The following IL1RAPL2 variants were observed in gnomAD, a reference collection of about 807,000 sequenced individuals.
The protein encoded by IL1RAPL2 is X-linked interleukin-1 receptor accessory protein-like 2.
A neutral mutation model predicts 44.1 loss-of-function variants in IL1RAPL2; 3 were observed. The observed-to-expected ratio is 0.07, with a 90% CI of 0.03 to 0.18. IL1RAPL2 has a LOEUF of 0.18. IL1RAPL2 is among the 10% of genes least tolerant of loss of function. The pLI is 1.00. For synonymous variants in IL1RAPL2, 181 were observed against 178.8 expected (o/e 1.01, Z -0.10); for missense variants, 391 against 496.4 (o/e 0.79, Z 2.02).
At chrX:105,670,107 A>ATG (rs2037806031) in intron 6 of IL1RAPL2, among the ~76,000 whole-genome samples, 1 of 14,885 alleles carries the variant, frequency 6.7e-5, no homozygotes, top group African/African-American at 3.1e-4. Context: ...GGTTTCCTGT[A>ATG]TATATATATA....
chrX:105,190,340 T>G (rs782207570), intron 2 of IL1RAPL2, among the ~76,000 whole-genome samples: 2 of 112,452 alleles, frequency 1.8e-5, no homozygotes, highest in Non-Finnish European at 3.8e-5. Context: ...GCTGTGATTC[T>G]TCTCAAGCAA....
chrX:105,572,768 G>C (rs367940469), intron 6 of IL1RAPL2, among the ~76,000 whole-genome samples: 3 of 111,946 alleles, frequency 2.7e-5, no homozygotes, highest in East Asian at 5.6e-4. Flanking sequence ...AGTTCTGTTT[G>C]TATGACCTGC....
rs187933360 is a variant in IL1RAPL2, at chrX:104,786,453, A to G, written c.82+127458A>G. Among the ~76,000 whole-genome samples the G allele has an allele frequency of 1.8e-3, 202 of 111,989 alleles. 2 individuals carry two copies. Among genetic ancestry groups the G allele is most frequent in the Non-Finnish European group, 3.2e-3 (169 of 53,252 alleles). On this transcript the variant is annotated intron_variant, in intron 2 of 10. Transcript: ENST00000372582. ...AATATTGTGCATGTATTATATGTACATATATTATCTCATTGAATTCCTGTA... is the reference window on the plus strand; with the variant it reads ...AATATTGTGCATGTATTATATGTACGTATATTATCTCATTGAATTCCTGTA...
intron 5 of IL1RAPL2, among the ~76,000 whole-genome samples, chrX:105,313,260 A>G (rs2034812382): frequency 8.9e-6 from 1 of 111,939 alleles, no homozygotes; most frequent in African/African-American, 3.2e-5. Context: ...TCTTGCTTAG[A>G]ATTTGTAAAA....
intron 7 of IL1RAPL2, among the ~76,000 whole-genome samples, chrX:105,718,026 C>A (rs1414392018): frequency 8.9e-6 from 1 of 112,276 alleles, no homozygotes; most frequent in African/African-American, 3.2e-5. Context: ...TCCTGTTACA[C>A]AAATAATTCT....
At chrX:104,705,256 C>T (rs1931345713) in intron 2 of IL1RAPL2, among the ~76,000 whole-genome samples, 1 of 111,563 alleles carries the variant, frequency 9.0e-6, no homozygotes, top group Admixed American at 9.6e-5. Context: ...CAAGCTCATA[C>T]AGCTAGTTAG....
intron 8 of IL1RAPL2, among the ~76,000 whole-genome samples, chrX:105,746,182 A>G (rs1471510534): frequency 2.7e-5 from 3 of 111,731 alleles, no homozygotes; most frequent in Admixed American, 9.5e-5. Flanking sequence ...GTCCCATTCT[A>G]TAATGTCTGA....
chrX:105,181,090 T>G (rs2033526618), intron 2 of IL1RAPL2, among the ~76,000 whole-genome samples: 1 of 112,021 alleles, frequency 8.9e-6, no homozygotes, highest in Admixed American at 9.5e-5. Context: ...ACTTTATGTA[T>G]TTCCTCTAGG....
intron 5 of IL1RAPL2, among the ~76,000 whole-genome samples, chrX:105,272,874 T>C (rs1335110481): frequency 8.9e-6 from 1 of 112,258 alleles, no homozygotes; most frequent in Non-Finnish European, 1.9e-5. Flanking sequence ...ATGGCAGCTA[T>C]TTACACACAG....
At chrX:104,949,877 G>A (rs1234531277) in intron 2 of IL1RAPL2, among the ~76,000 whole-genome samples, 1 of 111,241 alleles carries the variant, frequency 9.0e-6, no homozygotes, top group Non-Finnish European at 1.9e-5. Flanking sequence ...GTGTGGTGCT[G>A]AAAAAAATGT....
intron 2 of IL1RAPL2, among the ~76,000 whole-genome samples, chrX:104,669,961 C>T (rs1383965877): frequency 2.7e-5 from 3 of 111,982 alleles, no homozygotes; most frequent in African/African-American, 9.7e-5. Context: ...ATTCAGTAAT[C>T]ACCAAGTTCT....
chrX:104,630,898 T>G (rs957489622), intron 1 of IL1RAPL2, among the ~76,000 whole-genome samples: 6 of 109,905 alleles, frequency 5.5e-5, no homozygotes, highest in Non-Finnish European at 1.1e-4. Context: ...TGCAGGTTAG[T>G]TACATATGTA....
intron 1 of IL1RAPL2, among the ~76,000 whole-genome samples, chrX:104,632,917 C>T (rs1308500988): frequency 1.8e-5 from 2 of 111,338 alleles, no homozygotes; most frequent in Non-Finnish European, 3.8e-5. Flanking sequence ...CTGTCTTGTG[C>T]CCGTTTTCAA....
At position 105,302,486 on chromosome X, in the gene IL1RAPL2, C is replaced by G. The variant is rs756510357; in HGVS notation, c.697+34945C>G. Among the ~76,000 whole-genome samples the G allele has an allele frequency of 8.0e-5, 9 of 111,989 alleles. No homozygotes were observed. In the Middle Eastern group the frequency reaches 0.028, roughly 342 times the overall value. On this transcript the variant is annotated intron_variant, in intron 5 of 10. Transcript: ENST00000372582. Reference sequence around the variant, plus strand: ...TGAATCCTGCCAGGACTTGGTTCTTCCCTTCAAGGAAGCTGATTCTTTCAT... The same window carrying G: ...TGAATCCTGCCAGGACTTGGTTCTTGCCTTCAAGGAAGCTGATTCTTTCAT...
intron 2 of IL1RAPL2, among the ~76,000 whole-genome samples, chrX:105,167,152 A>G (rs1308520186): frequency 1.8e-5 from 2 of 112,110 alleles, no homozygotes; most frequent in African/African-American, 3.2e-5. Context: ...GAGTCCCCAG[A>G]TCATCAACTG....
intron 2 of IL1RAPL2, among the ~76,000 whole-genome samples, chrX:104,896,837 T>G (rs1923664935): frequency 9.0e-6 from 1 of 111,350 alleles, no homozygotes; most frequent in African/African-American, 3.3e-5. Context: ...GGTCTGCAGC[T>G]TCACTCCTGA....
At chrX:105,107,314 A>G (rs1025131032) in intron 2 of IL1RAPL2, among the ~76,000 whole-genome samples, 4 of 112,280 alleles carry the variant, frequency 3.6e-5, no homozygotes, top group Non-Finnish European at 5.6e-5. Context: ...AGAAATCTTG[A>G]GTTTGAGTCA....
At chrX:105,747,622 T>C (rs369598324) in intron 8 of IL1RAPL2, among the ~76,000 whole-genome samples, 7 of 107,363 alleles carry the variant, frequency 6.5e-5, no homozygotes, top group African/African-American at 1.7e-4. Context: ...TAAATGGATC[T>C]TGTTATATTG....
chrX:104,754,213 A>C (rs2147585423), intron 2 of IL1RAPL2, among the ~76,000 whole-genome samples: 1 of 111,416 alleles, frequency 9.0e-6, no homozygotes, highest in Non-Finnish European at 1.9e-5. Context: ...CCAGTTAATT[A>C]ACCAAATAAA....
Sources: allele counts gnomAD v4.1 joint callset (sites outside exome capture counted in the v4.1 genomes callset), GRCh38; gene constraint gnomAD v4.1.1; transcripts MANE v1.5; gene names NCBI Gene and HGNC (gene_info 2026-07-23, HGNC 2026-07-21).